IL1RL1: variants seen among roughly 807,000 people sequenced by gnomAD.
The protein encoded by IL1RL1 is interleukin 1 receptor like 1.
A neutral mutation model predicts 50.9 loss-of-function variants in IL1RL1; 32 were observed. The ratio of observed to expected loss-of-function variants is 0.63; its 90% CI spans 0.47 to 0.84. IL1RL1 has a LOEUF of 0.84. Among genes scored for constraint, IL1RL1 ranks in the 40% least tolerant of loss-of-function variants. IL1RL1 has a pLI of 0.00. For synonymous variants in IL1RL1, 275 were observed against 236.0 expected (o/e 1.17, Z -1.51); for missense variants, 773 against 662.9 (o/e 1.17, Z -1.82).
intron 1 of IL1RL1, among the ~76,000 whole-genome samples, chr2:102,336,127 A>C (rs949880194): frequency 6.6e-6 from 1 of 151,414 alleles, no homozygotes; most frequent in African/African-American, 2.4e-5. Flanking sequence ...CGTACTGATA[A>C]CTCTCCCTTT....
chr2:102,339,343 C>T (rs1677454381), intron 3 of IL1RL1: 2 of 286,948 alleles, frequency 7.0e-6, no homozygotes, highest in Admixed American at 9.3e-5. Context: ...TTACTTTTGG[C>T]TGGAATTAAG....
chr2:102,318,716 G>T (rs1194972917), intron 1 of IL1RL1, among the ~76,000 whole-genome samples: 1 of 144,032 alleles, frequency 6.9e-6, no homozygotes, highest in Non-Finnish European at 1.5e-5. Flanking sequence ...GTGGAGAGAA[G>T]AGGAGATGTG....
At chr2:102,324,219 A>T (rs11695962) in intron 1 of IL1RL1, among the ~76,000 whole-genome samples, 2 of 152,298 alleles carry the variant, frequency 1.3e-5, no homozygotes, top group Admixed American at 1.3e-4. Context: ...GGAGTGTAAC[A>T]CAAGCACATA....
At chr2:102,325,018 C>A (rs543945159) in intron 1 of IL1RL1, among the ~76,000 whole-genome samples, 2 of 152,142 alleles carry the variant, frequency 1.3e-5, no homozygotes, top group Non-Finnish European at 2.9e-5. Flanking sequence ...TCTCCCAGCA[C>A]GCAGCTGGAG....
intron 10 of IL1RL1, 35 bp from the exon 11 acceptor site, chr2:102,351,501 T>A (rs1185951983): frequency 2.5e-6 from 4 of 1,576,328 alleles, no homozygotes; most frequent in Non-Finnish European, 3.5e-6. Flanking sequence ...AGCATTAGAC[T>A]GATAAGAAAT....
In IL1RL1 at chr2:102,311,942, TA is replaced by T. The variant is rs1559592040; in HGVS notation, c.-150+320del. 2.0e-4 allele frequency among the ~76,000 whole-genome samples: 9 copies of T among 44,608 alleles called. 2 individuals are homozygous for T. In the South Asian group the frequency reaches 2.9e-3, roughly 14 times the overall value. 29.3% of individuals were successfully genotyped at this position (44,608 alleles called of 152,430 possible). On this transcript the variant is annotated intron_variant, in intron 1 of 10. Transcript: ENST00000233954. ...ATTATATAATATATATTATATATAA[TA>T]TTATATATAATATATATTATATATA... is the stretch of plus-strand genomic sequence containing the variant.
chr2:102,328,345 G>A (rs1219375350), intron 1 of IL1RL1, among the ~76,000 whole-genome samples: 1 of 152,048 alleles, frequency 6.6e-6, no homozygotes, highest in East Asian at 1.9e-4. Context: ...AGGTATTGAT[G>A]GGACGTATCT....
In IL1RL1 at chr2:102,340,658, T is replaced by C; in HGVS notation, c.448-8T>C. On this transcript the variant is annotated splice_polypyrimidine_tract_variant and splice_region_variant and intron_variant, in intron 4 of 10. Transcript: ENST00000233954. ...TTACTGAGAAGGAAATGGAATTTCT[T>C]ATTTCAGAATTGTCAGGCTCTTCAA... 1 of 1,579,262 alleles carries C rather than the reference T, an allele frequency of 6.3e-7. No homozygotes were observed. The highest frequency in any genetic ancestry group is 8.5e-7 in the Non-Finnish European group (1 of 1,170,350).
intron 1 of IL1RL1, among the ~76,000 whole-genome samples, chr2:102,312,029 T>A (rs1256290871): frequency 4.0e-5 from 2 of 49,888 alleles, no homozygotes; most frequent in East Asian, 4.2e-4. Context: ...TAATATATAT[T>A]ATATATTAAA....
intron 8 of IL1RL1, chr2:102,343,681 A>T: frequency 7.3e-7 from 1 of 1,370,928 alleles, no homozygotes; most frequent in East Asian, 2.8e-5. Context: ...TTCTTTGGTC[A>T]TCCTTGTTTT....
intron 1 of IL1RL1, among the ~76,000 whole-genome samples, chr2:102,311,931 ATT>A (rs1676498941): frequency 5.1e-5 from 2 of 39,104 alleles, no homozygotes; most frequent in African/African-American, 2.6e-4. Flanking sequence ...TATAATATAT[ATT>A]ATATATAATA....
At chr2:102,320,450 A>T (rs1449078496) in intron 1 of IL1RL1, among the ~76,000 whole-genome samples, 2 of 152,094 alleles carry the variant, frequency 1.3e-5, no homozygotes, top group Non-Finnish European at 2.9e-5. Flanking sequence ...CATGGGTTTA[A>T]TTTCATCTAT....
At chr2:102,327,036 A>G (rs1677029331) in intron 1 of IL1RL1, among the ~76,000 whole-genome samples, 1 of 152,308 alleles carries the variant, frequency 6.6e-6, no homozygotes, top group East Asian at 1.9e-4. Flanking sequence ...TCCACCCAAA[A>G]TCAACAGAAT....
intron 1 of IL1RL1, among the ~76,000 whole-genome samples, chr2:102,333,331 A>C (rs956228047): frequency 3.3e-5 from 5 of 152,212 alleles, no homozygotes; most frequent in Non-Finnish European, 7.3e-5. Context: ...ATGTCCTTTG[A>C]AGATGAAACC....
At chr2:102,343,845 C>A in intron 8 of IL1RL1, 1 of 1,012,122 alleles carries the variant, frequency 9.9e-7, no homozygotes, top group Non-Finnish European at 1.2e-6. Context: ...AATGAACACT[C>A]ATTTTGTTAG....
rs539844990 is a variant in IL1RL1, at chr2:102,328,533, G to A, written c.-149-9583G>A. 2.5e-3 allele frequency among the ~76,000 whole-genome samples: 384 copies of A among 152,250 alleles called. 4 individuals carry two copies. The highest frequency in any genetic ancestry group is 0.017 in the Middle Eastern group (5 of 294). On this transcript the variant is annotated intron_variant, in intron 1 of 10. Transcript: ENST00000233954. ...CAATCAGGCAGGAGAAGGAAATAAA[G>A]GGTATTCAATTAGGAAAAGAGGAAG...
intron 10 of IL1RL1, 111 bp from the exon 11 acceptor site, chr2:102,351,425 T>C: frequency 1.1e-6 from 1 of 943,180 alleles, no homozygotes; most frequent in Non-Finnish European, 1.6e-6. Flanking sequence ...AGTGACTTGA[T>C]GTCAGAGAAT....
intron 8 of IL1RL1, chr2:102,343,707 C>A: frequency 7.6e-7 from 1 of 1,323,002 alleles, no homozygotes; most frequent in Non-Finnish European, 9.7e-7. Context: ...TTTATGAACT[C>A]CCTCTGTGTC....
At chr2:102,345,458 G>A (rs1352811295) in intron 8 of IL1RL1, 2 of 985,290 alleles carry the variant, frequency 2.0e-6, no homozygotes, top group Non-Finnish European at 2.4e-6. Context: ...TGTAGAAATT[G>A]TTTAATGTGC....
Sources: gnomAD v4.1 joint callset for allele counts (sites outside exome capture counted in the v4.1 genomes callset) on GRCh38, gnomAD v4.1.1 for gene constraint, MANE v1.5 for transcripts, NCBI Gene and HGNC (gene_info 2026-07-23, HGNC 2026-07-21) for gene names.